PRMT3: variants seen among roughly 807,000 people sequenced by gnomAD.
PRMT3 encodes the protein protein arginine methyltransferase 3, also known as protein arginine N-methyltransferase 3.
Under a neutral mutation model 71.9 loss-of-function variants are expected in PRMT3, and 62 were observed. That is an observed-to-expected ratio of 0.86 (90% CI 0.70 to 1.07). The LOEUF is 1.07. Among genes scored for constraint, PRMT3 ranks in the 50% least tolerant of loss-of-function variants. The pLI is 0.00. For missense variants in PRMT3, 663 were observed against 643.0 expected, an observed-to-expected ratio of 1.03 and a Z score of -0.34; for synonymous variants, 213 against 220.4, an observed-to-expected ratio of 0.97 and a Z score of 0.30.
chr11:20,470,237 A>G (rs1216922588), intron 13 of PRMT3, among the ~76,000 whole-genome samples: 2 of 152,106 alleles, frequency 1.3e-5, no homozygotes, highest in African/African-American at 4.8e-5. Flanking sequence ...ATGGTATTAC[A>G]ATTTTTTCTT....
rs1161554545 is a variant in PRMT3 at position 20,508,291 on chromosome 11, C to T, written c.1487-13C>T. 1 of 1,551,498 alleles carries T rather than the reference C, an allele frequency of 6.4e-7. No individual in the cohort carries two copies. The highest frequency in any genetic ancestry group is 1.1e-5 in the South Asian group (1 of 88,634). On this transcript the variant is annotated splice_polypyrimidine_tract_variant and intron_variant, in intron 15 of 15. Transcript: ENST00000331079. ...TCCTTGAATTCTTAACAATTTTTGCCTTTGTTTTACAGGTGAAGCCTTGAA... is the reference window on the plus strand; with the variant it reads ...TCCTTGAATTCTTAACAATTTTTGCTTTTGTTTTACAGGTGAAGCCTTGAA...
At chr11:20,405,477 T>C (rs900503926) in intron 8 of PRMT3, 18 of 152,158 alleles carry the variant, frequency 1.2e-4, no homozygotes, top group African/African-American at 3.9e-4. Context: ...CAATTAAAAA[T>C]ATAGGCTTTA....
At chr11:20,441,788 G>GTTT (rs61553968) in intron 10 of PRMT3, among the ~76,000 whole-genome samples, 3,435 of 117,314 alleles carry the variant, frequency 0.029, 44 homozygotes, top group East Asian at 0.11. Flanking sequence ...ATAGTTTCAG[G>GTTT]TTTTTTTTTT....
intron 10 of PRMT3, among the ~76,000 whole-genome samples, chr11:20,435,002 TCTA>T (rs1485209613): frequency 6.6e-6 from 1 of 152,210 alleles, no homozygotes; most frequent in African/African-American, 2.4e-5. Context: ...TATTGATCCT[TCTA>T]CTCATCTGCA....
At chr11:20,398,249 T>C in intron 7 of PRMT3, among the ~76,000 whole-genome samples, 1 of 152,172 alleles carries the variant, frequency 6.6e-6, no homozygotes, top group East Asian at 1.9e-4. Flanking sequence ...TACTGACTTT[T>C]GTTTGGGCCA....
chr11:20,410,436 TTGA>T (rs1849169578), intron 9 of PRMT3, among the ~76,000 whole-genome samples: 2 of 152,074 alleles, frequency 1.3e-5, no homozygotes, highest in African/African-American at 4.8e-5. Context: ...TTCTGGTATA[TTGA>T]TGAGCTCCCA....
Position 20,432,451 on chromosome 11 carries a change from A to G in PRMT3, c.993+5586A>G, listed in dbSNP as rs185732172. On this transcript the variant is annotated intron_variant, in intron 10 of 15. Coordinates refer to ENST00000331079, the MANE Select transcript of PRMT3 (RefSeq NM_005788.4). Reference sequence around the variant, plus strand: ...TATATATGTCACATTTTTTTTGTCCATTCAACTCTTAATAGACACTTAGGT... The same window carrying G: ...TATATATGTCACATTTTTTTTGTCCGTTCAACTCTTAATAGACACTTAGGT... Among the ~76,000 whole-genome samples the G allele has an allele frequency of 1.6e-4, 24 of 152,162 alleles. No individual in the cohort carries two copies. In the East Asian group the frequency reaches 4.2e-3, roughly 27 times the overall value.
At chr11:20,419,548 T>TGAGAA (rs2133341408) in intron 9 of PRMT3, among the ~76,000 whole-genome samples, 1 of 152,344 alleles carries the variant, frequency 6.6e-6, no homozygotes, top group African/African-American at 2.4e-5. Context: ...GTGAGTTGAG[T>TGAGAA]AAGGAATCTG....
At chr11:20,465,107 T>TGA (rs1445653697) in intron 13 of PRMT3, among the ~76,000 whole-genome samples, 5 of 152,172 alleles carry the variant, frequency 3.3e-5, no homozygotes, top group Non-Finnish European at 7.4e-5. Context: ...TACTTCAGAC[T>TGA]ATTCAGTTGC....
intron 8 of PRMT3, among the ~76,000 whole-genome samples, chr11:20,403,608 T>G (rs1848998041): frequency 6.6e-6 from 1 of 152,110 alleles, no homozygotes; most frequent in Non-Finnish European, 1.5e-5. Context: ...TTTTTTTTCT[T>G]TATTCTCTTT....
intron 6 of PRMT3, among the ~76,000 whole-genome samples, chr11:20,397,066 A>G (rs1014418836): frequency 6.6e-6 from 1 of 152,176 alleles, no homozygotes; most frequent in Admixed American, 6.5e-5. Flanking sequence ...TCCCTTTTAT[A>G]TACCTTATGG....
chr11:20,399,926 T>G (rs1848912862), intron 7 of PRMT3, among the ~76,000 whole-genome samples: 1 of 152,224 alleles, frequency 6.6e-6, no homozygotes, highest in South Asian at 2.1e-4. Flanking sequence ...CTTAGCTTCC[T>G]TTAGTTCTTG....
chr11:20,485,465 G>GA lies in PRMT3; in HGVS notation c.1348-8448dup, dbSNP rs2133441464. ...AAACTATGCTTACTAAATTCAAAGA[G>GA]AAAAAATACTGCAAATTTTAACAAA... On this transcript the variant is annotated intron_variant, in intron 13 of 15. Coordinates refer to ENST00000331079, the MANE Select transcript of PRMT3 (RefSeq NM_005788.4). 2.0e-5 allele frequency among the ~76,000 whole-genome samples: 3 copies of GA among 151,992 alleles called. No individual in the cohort carries two copies. The East Asian group carries it at 5.8e-4, about 29-fold the overall frequency.
In PRMT3 at chr11:20,475,965, C is replaced by T. The variant is rs146331254; in HGVS notation, c.1347+11419C>T. On this transcript the variant is annotated intron_variant, in intron 13 of 15. Transcript: ENST00000331079. ...TGCTGGGATTACAGGCATGAGCCACCGCCTTTTAAATCTTTACATTAACAG... is the reference window on the plus strand; with the variant it reads ...TGCTGGGATTACAGGCATGAGCCACTGCCTTTTAAATCTTTACATTAACAG... Among the ~76,000 whole-genome samples the T allele has an allele frequency of 5.9e-3, 904 of 151,936 alleles. 5 individuals carry two copies. Among genetic ancestry groups the T allele is most frequent in the African/African-American group, 0.02 (835 of 41,424 alleles).
chr11:20,434,159 G>A (rs565558058), intron 10 of PRMT3, among the ~76,000 whole-genome samples: 99 of 152,044 alleles, frequency 6.5e-4, no homozygotes, highest in Non-Finnish European at 1.2e-3. Context: ...ATGCTTGTTG[G>A]CCACATGCAT....
At chr11:20,426,448 T>C (rs925581649) in intron 9 of PRMT3, among the ~76,000 whole-genome samples, 2 of 152,228 alleles carry the variant, frequency 1.3e-5, no homozygotes, top group Non-Finnish European at 2.9e-5. Flanking sequence ...ATATGTCTTA[T>C]ATGTCTGTCT....
intron 15 of PRMT3, among the ~76,000 whole-genome samples, chr11:20,497,708 A>G (rs1460747503): frequency 2.6e-5 from 4 of 152,208 alleles, no homozygotes; most frequent in Non-Finnish European, 5.9e-5. Context: ...GATTAAATGC[A>G]CAAGGTCAGG....
intron 9 of PRMT3, among the ~76,000 whole-genome samples, chr11:20,420,292 A>G (rs959544617): frequency 1.3e-5 from 2 of 152,250 alleles, no homozygotes; most frequent in African/African-American, 4.8e-5. Flanking sequence ...GATGCAGTAT[A>G]AAAGTCTGAT....
chr11:20,402,273 C>A (rs1848965946), intron 7 of PRMT3, among the ~76,000 whole-genome samples: 1 of 152,080 alleles, frequency 6.6e-6, no homozygotes, highest in South Asian at 2.1e-4. Context: ...GCATGCGCCA[C>A]CACACCCGAC....
Sources: allele counts gnomAD v4.1 joint callset (sites outside exome capture counted in the v4.1 genomes callset), GRCh38; gene constraint gnomAD v4.1.1; transcripts MANE v1.5; gene names NCBI Gene and HGNC (gene_info 2026-07-23, HGNC 2026-07-21).